MYO1E: variants seen among roughly 807,000 people sequenced by gnomAD.
MYO1E encodes the protein myosin IE, also known as unconventional myosin-Ie.
In MYO1E, 68 loss-of-function variants were observed where a neutral mutation model predicts 151.1. The ratio of observed to expected loss-of-function variants is 0.45; its 90% confidence interval spans 0.37 to 0.55. MYO1E has a LOEUF of 0.55. Among genes scored for constraint, MYO1E ranks in the 20% least tolerant of loss-of-function variants. The probability of loss-of-function intolerance (pLI) is 0.00; values close to 1 mark genes in which losing one functional copy is unlikely to be tolerated. For missense variants in MYO1E, 1,363 were observed against 1,389.3 expected (o/e 0.98, Z 0.30); for synonymous variants, 601 against 501.7 (o/e 1.20, Z -2.64).
chr15:59,231,587 G>A, intron 6 of MYO1E, 115 bp downstream of exon 6: 1 of 1,118,074 alleles, frequency 8.9e-7, no homozygotes, highest in African/African-American at 1.5e-5. Context: ...GATCGAAGAG[G>A]TGGCCTCCTG....
At chr15:59,305,022 G>A (rs1056669339) in intron 1 of MYO1E, among the ~76,000 whole-genome samples, 22 of 152,188 alleles carry the variant, frequency 1.4e-4, no homozygotes, top group Non-Finnish European at 2.8e-4. Flanking sequence ...CAACATGGCC[G>A]AGCTGTGAGC....
In MYO1E at chr15:59,268,720, A is replaced by ATTTTTTTTTTTTTTTTTTTTTTTT. The variant is rs398027512; in HGVS notation, c.147+3585_147+3586insAAAAAAAAAAAAAAAAAAAAAAAA. On this transcript the variant is annotated intron_variant, in intron 2 of 27. Coordinates refer to ENST00000288235, the MANE Select transcript of MYO1E (RefSeq NM_004998.4). ...GTGATGGGTTCTGGGTGACTTTGGT[A>ATTTTTTTTTTTTTTTTTTTTTTTT]TTTTTTTTTTTTTTTTTTTTTGCTT... is the stretch of plus-strand genomic sequence containing the variant. Among the ~76,000 whole-genome samples, 219 of 44,908 alleles carry ATTTTTTTTTTTTTTTTTTTTTTTT rather than the reference A, an allele frequency of 4.9e-3. 76 individuals are homozygous for ATTTTTTTTTTTTTTTTTTTTTTTT. Among genetic ancestry groups the ATTTTTTTTTTTTTTTTTTTTTTTT allele is most frequent in the Admixed American group, 9.0e-3 (23 of 2,562 alleles). 29.5% of individuals were successfully genotyped at this position (44,908 alleles called of 152,430 possible). A position where few individuals can be genotyped will look rare whatever the true frequency, so the allele number is the denominator to read the frequency against.
At chr15:59,142,681 CGG>C (rs2079417532) in intron 26 of MYO1E, among the ~76,000 whole-genome samples, 1 of 152,106 alleles carries the variant, frequency 6.6e-6, no homozygotes, top group Non-Finnish European at 1.5e-5. Flanking sequence ...CTGCCAGGGG[CGG>C]CCCCTGCTCA....
chr15:59,305,155 C>A (rs1035359796), intron 1 of MYO1E, among the ~76,000 whole-genome samples: 75 of 152,182 alleles, frequency 4.9e-4, no homozygotes, highest in Non-Finnish European at 4.6e-4. Context: ...GCCTTCATAT[C>A]TAGCAGAATG....
In MYO1E at chr15:59,208,692, AATG is replaced by A; in HGVS notation, c.1516_1518del (p.His506del). On this transcript the variant is annotated inframe_deletion, in exon 14 of 28. Transcript: ENST00000288235. ...GATATTGGCCATACCTTCCCAGCAT[AATG>A]ATGAATGATGAAGCCTTGGTTCCAA... 2 of 1,614,236 alleles carry A rather than the reference AATG, an allele frequency of 1.2e-6. No individual in the cohort carries two copies. Among genetic ancestry groups the A allele is most frequent in the Non-Finnish European group, 8.5e-7 (1 of 1,180,028 alleles).
intron 1 of MYO1E, among the ~76,000 whole-genome samples, chr15:59,306,290 T>C (rs2080514484): frequency 6.6e-6 from 1 of 152,262 alleles, no homozygotes; most frequent in African/African-American, 2.4e-5. Context: ...TGCTCACTAA[T>C]TGTTTTATGA....
chr15:59,224,633 A>G, intron 8 of MYO1E, 56 bp downstream of exon 8: 1 of 1,612,356 alleles, frequency 6.2e-7, no homozygotes, highest in Non-Finnish European at 8.5e-7. Context: ...CCTTTTGGCC[A>G]CAGGAAATGG....
chr15:59,294,684 G>C (rs1452153909), intron 1 of MYO1E, among the ~76,000 whole-genome samples: 1 of 152,162 alleles, frequency 6.6e-6, no homozygotes, highest in East Asian at 1.9e-4. Flanking sequence ...CTTCCTAACA[G>C]CCAGGGTTTC....
chr15:59,353,965 T>C (rs1201614459), intron 1 of MYO1E, among the ~76,000 whole-genome samples: 1 of 152,140 alleles, frequency 6.6e-6, no homozygotes, highest in South Asian at 2.1e-4. Context: ...TGTGTACAGA[T>C]AGAAAAAATG....
chr15:59,196,448 A>G (rs2079766857), intron 16 of MYO1E, among the ~76,000 whole-genome samples: 1 of 152,192 alleles, frequency 6.6e-6, no homozygotes, highest in African/African-American at 2.4e-5. Flanking sequence ...TGTGGCACAC[A>G]TGCGAACTCC....
chr15:59,298,040 G>A (rs1443149591), intron 1 of MYO1E, among the ~76,000 whole-genome samples: 2 of 152,180 alleles, frequency 1.3e-5, no homozygotes, highest in Non-Finnish European at 2.9e-5. Context: ...ATGATGTCCA[G>A]AGGTACATGA....
chr15:59,292,944 T>C (rs746287318), intron 1 of MYO1E, among the ~76,000 whole-genome samples: 21 of 151,536 alleles, frequency 1.4e-4, no homozygotes, highest in Non-Finnish European at 1.5e-5. Context: ...CAAATGGGAG[T>C]TTGTAGACAA....
intron 4 of MYO1E, among the ~76,000 whole-genome samples, chr15:59,240,169 A>G (rs1428648818): frequency 6.6e-6 from 1 of 152,234 alleles, no homozygotes; most frequent in Non-Finnish European, 1.5e-5. Context: ...CAGAATCGTC[A>G]GAGTACTTTT....
At chr15:59,189,070 AT>A (rs1373799239) in intron 17 of MYO1E, among the ~76,000 whole-genome samples, 5 of 151,696 alleles carry the variant, frequency 3.3e-5, no homozygotes, top group African/African-American at 9.7e-5. Flanking sequence ...TCTTACAAGA[AT>A]TTTTTTTTGA....
intron 1 of MYO1E, among the ~76,000 whole-genome samples, chr15:59,278,959 T>A (rs773854221): frequency 7.9e-5 from 12 of 151,932 alleles, no homozygotes; most frequent in African/African-American, 1.7e-4. Flanking sequence ...TTGGAGTGGG[T>A]GGAAAAGTGC....
intron 26 of MYO1E, among the ~76,000 whole-genome samples, chr15:59,147,466 C>T (rs184121637): frequency 9.2e-5 from 14 of 151,942 alleles, no homozygotes; most frequent in African/African-American, 3.1e-4. Context: ...GTGGCTCATG[C>T]GTGTAATCTC....
intron 1 of MYO1E, among the ~76,000 whole-genome samples, chr15:59,326,285 C>T (rs1219993560): frequency 6.6e-6 from 1 of 151,844 alleles, no homozygotes; most frequent in Admixed American, 6.6e-5. Context: ...TTTGGGAGGC[C>T]GAGGCAGGCA....
chr15:59,175,169 G>C (rs1334738009), intron 19 of MYO1E, among the ~76,000 whole-genome samples: 2 of 152,172 alleles, frequency 1.3e-5, no homozygotes, highest in African/African-American at 4.8e-5. Context: ...AGGTCTTTCA[G>C]GCTCTGCCAG....
chr15:59,361,993 C>T (rs895762295), intron 1 of MYO1E, among the ~76,000 whole-genome samples: 3 of 152,012 alleles, frequency 2.0e-5, no homozygotes, highest in South Asian at 2.1e-4. Flanking sequence ...TCTACCACCA[C>T]GCCAGGCTAA....
Sources: allele counts gnomAD v4.1 joint callset (sites outside exome capture counted in the v4.1 genomes callset), GRCh38; gene constraint gnomAD v4.1.1; transcripts MANE v1.5; gene names NCBI Gene and HGNC (gene_info 2026-07-23, HGNC 2026-07-21).